GNB1: variants seen among roughly 807,000 people sequenced by gnomAD.
The protein encoded by GNB1 is G protein subunit beta 1.
A neutral mutation model predicts 42.9 loss-of-function variants in GNB1; 2 were observed. The observed-to-expected ratio is 0.05, with a 90% confidence interval of 0.02 to 0.15. GNB1 has a LOEUF of 0.15. Ranked by LOEUF, GNB1 falls within the 10% of genes least tolerant of loss-of-function variation. The pLI is 1.00. For synonymous variants in GNB1, 183 were observed against 174.7 expected, an observed-to-expected ratio of 1.05 and a Z score of -0.38; for missense variants, 193 against 462.2, an observed-to-expected ratio of 0.42 and a Z score of 5.34.
intron 7 of GNB1, among the ~76,000 whole-genome samples, chr1:1,803,028 CTTAT>C (rs1401130143): frequency 1.3e-5 from 2 of 152,188 alleles, no homozygotes; most frequent in African/African-American, 4.8e-5. Flanking sequence ...CCAAAATTAA[CTTAT>C]TTAACAGACT....
At position 1,815,745 on chromosome 1, in the gene GNB1, C is replaced by A. The variant is rs1272311058; in HGVS notation, c.203+11G>T. 3 of 1,430,066 alleles carry A rather than the reference C, an allele frequency of 2.1e-6. No homozygotes were observed. The highest frequency in any genetic ancestry group is 3.0e-6 in the Non-Finnish European group (3 of 1,012,370). 88.6% of individuals were successfully genotyped at this position (1,430,066 alleles called of 1,614,324 possible). ...TGTAACAAGCAGCATCCTGCTCATG[C>A]CCACGCCTACCTGGAGTCTGTGCCC... is the stretch of plus-strand genomic sequence containing the variant. On this transcript the variant is annotated intron_variant, in intron 5 of 11. Transcript: ENST00000378609.
At chr1:1,859,529 G>A (rs564416828) in intron 1 of GNB1, among the ~76,000 whole-genome samples, 4 of 152,024 alleles carry the variant, frequency 2.6e-5, no homozygotes, top group East Asian at 1.9e-4. Flanking sequence ...ACTATGTATC[G>A]TGGCCTAAAG....
intron 1 of GNB1, among the ~76,000 whole-genome samples, chr1:1,840,991 G>A (rs538111029): frequency 4.6e-5 from 7 of 152,022 alleles, no homozygotes; most frequent in Admixed American, 3.9e-4. Context: ...TCACTGGTTC[G>A]AGTGATTCTC....
chr1:1,850,653 T>C (rs1019271275), intron 1 of GNB1, among the ~76,000 whole-genome samples: 3 of 152,112 alleles, frequency 2.0e-5, no homozygotes, highest in South Asian at 2.1e-4. Flanking sequence ...TAATGCATGC[T>C]GTATACCTTT....
chr1:1,858,652 AAAAC>A (rs1648435202), intron 1 of GNB1, among the ~76,000 whole-genome samples: 1 of 152,230 alleles, frequency 6.6e-6, no homozygotes, highest in African/African-American at 2.4e-5. Flanking sequence ...CTAAGCTCCC[AAAAC>A]AAACAAGATG....
intron 5 of GNB1, among the ~76,000 whole-genome samples, chr1:1,815,112 TAAAAAAAAA>T (rs762856445): frequency 8.1e-6 from 1 of 123,378 alleles, no homozygotes; most frequent in Non-Finnish European, 1.7e-5. Flanking sequence ...ACTCCGTCTT[TAAAAAAAAA>T]AAAAAAAAGA....
At chr1:1,884,713 T>C (rs1650050363) in intron 1 of GNB1, among the ~76,000 whole-genome samples, 2 of 151,368 alleles carry the variant, frequency 1.3e-5, no homozygotes, top group Admixed American at 1.3e-4. Flanking sequence ...GACGGAGTCT[T>C]GCTCTGTCGC....
intron 1 of GNB1, among the ~76,000 whole-genome samples, chr1:1,882,316 T>C (rs1383705836): frequency 6.6e-6 from 1 of 150,676 alleles, no homozygotes; most frequent in Non-Finnish European, 1.5e-5. Context: ...TAATCCCAAC[T>C]ATTTGGGAGG....
At chr1:1,829,951 G>C (rs917892293) in intron 2 of GNB1, among the ~76,000 whole-genome samples, 2 of 151,960 alleles carry the variant, frequency 1.3e-5, no homozygotes, top group African/African-American at 4.8e-5. Flanking sequence ...TGTTGGCCAG[G>C]CTGGTCTTGA....
intron 1 of GNB1, among the ~76,000 whole-genome samples, chr1:1,854,268 G>C (rs1010636834): frequency 2.0e-5 from 3 of 152,178 alleles, no homozygotes; most frequent in Admixed American, 2.0e-4. Context: ...AAATCTGAGC[G>C]GGGTCCCAAG....
chr1:1,830,371 C>T (rs908690520), intron 2 of GNB1, among the ~76,000 whole-genome samples: 4 of 151,656 alleles, frequency 2.6e-5, no homozygotes, highest in Admixed American at 1.3e-4. Flanking sequence ...CGCCACTCTC[C>T]TGCCTCAGCC....
chr1:1,805,387 G>A (rs952894872), intron 6 of GNB1, among the ~76,000 whole-genome samples: 3 of 151,546 alleles, frequency 2.0e-5, no homozygotes, highest in East Asian at 2.0e-4. Flanking sequence ...CTTGAACCAG[G>A]GGGGTGGAGG....
chr1:1,881,840 A>G (rs982193452), intron 1 of GNB1, among the ~76,000 whole-genome samples: 1 of 152,188 alleles, frequency 6.6e-6, no homozygotes, highest in African/African-American at 2.4e-5. Context: ...CCTGGCACAC[A>G]GTATTGTGCG....
intron 7 of GNB1, among the ~76,000 whole-genome samples, chr1:1,798,926 T>C (rs1163616777): frequency 2.0e-5 from 1 of 50,740 alleles, no homozygotes; most frequent in Non-Finnish European, 6.4e-5. Flanking sequence ...ACAAACACTC[T>C]TTTTTTTTTT....
intron 1 of GNB1, among the ~76,000 whole-genome samples, chr1:1,884,978 C>G (rs1479166532): frequency 6.6e-6 from 1 of 151,894 alleles, no homozygotes; most frequent in East Asian, 1.9e-4. Context: ...CCACCGTGCC[C>G]GGCCAGTATT....
chr1:1,791,127 A>ATCACAAACAGGAGAGCAG (rs1332977588), intron 8 of GNB1, among the ~76,000 whole-genome samples: 1 of 152,010 alleles, frequency 6.6e-6, no homozygotes, highest in African/African-American at 2.4e-5. Flanking sequence ...CTTTCCTGGA[A>ATCACAAACAGGAGAGCAG]TCACAAACAG....
intron 5 of GNB1, among the ~76,000 whole-genome samples, chr1:1,808,485 G>C (rs1646732298): frequency 6.6e-6 from 1 of 152,268 alleles, no homozygotes; most frequent in South Asian, 2.1e-4. Flanking sequence ...GCTTATGAGA[G>C]GTCCTAAGGA....
At chr1:1,827,912 C>G (rs1395109459) in intron 2 of GNB1, among the ~76,000 whole-genome samples, 1 of 152,180 alleles carries the variant, frequency 6.6e-6, no homozygotes, top group Non-Finnish European at 1.5e-5. Context: ...TTAACACACA[C>G]AGTTTCTGAT....
At chr1:1,884,776 G>T (rs539665758) in intron 1 of GNB1, among the ~76,000 whole-genome samples, 12 of 151,660 alleles carry the variant, frequency 7.9e-5, no homozygotes, top group African/African-American at 2.4e-4. Context: ...TCTGCCTCCC[G>T]GGTTCACACC....
Sources: allele counts gnomAD v4.1 joint callset (sites outside exome capture counted in the v4.1 genomes callset), GRCh38; gene constraint gnomAD v4.1.1; transcripts MANE v1.5; gene names NCBI Gene and HGNC (gene_info 2026-07-23, HGNC 2026-07-21).